The following GRIK1 variants were observed in gnomAD, a reference collection of about 807,000 sequenced individuals.
GRIK1 encodes glutamate ionotropic receptor kainate type subunit 1.
GRIK1 carries 69 observed loss-of-function variants against 105.7 expected under a neutral mutation model. That is an observed-to-expected ratio of 0.65 (90% CI 0.54 to 0.80). The LOEUF is 0.80. Among genes scored for constraint, GRIK1 ranks in the 30% least tolerant of loss-of-function variants. The pLI is 0.00. For missense variants in GRIK1, 1,109 were observed against 1,167.3 expected (o/e 0.95, Z 0.73); for synonymous variants, 438 against 431.3 (o/e 1.02, Z -0.19).
At chr21:29,746,893 T>A (rs898787598) in intron 1 of GRIK1, among the ~76,000 whole-genome samples, 1 of 152,154 alleles carries the variant, frequency 6.6e-6, no homozygotes, top group Admixed American at 6.5e-5. Flanking sequence ...GGTACTGCCA[T>A]ACAAAATAAT....
intron 6 of GRIK1, among the ~76,000 whole-genome samples, chr21:29,645,003 T>C (rs2062589172): frequency 6.6e-6 from 1 of 152,236 alleles, no homozygotes; most frequent in Non-Finnish European, 1.5e-5. Context: ...CTAGAGTATA[T>C]GCCGTTAACC....
intron 1 of GRIK1, among the ~76,000 whole-genome samples, chr21:29,931,024 T>G (rs1250997007): frequency 6.6e-6 from 1 of 152,192 alleles, no homozygotes; most frequent in African/African-American, 2.4e-5. Context: ...AGCTTTAGGT[T>G]TACAGAAAAA....
intron 16 of GRIK1, among the ~76,000 whole-genome samples, chr21:29,542,921 G>C (rs946580112): frequency 6.6e-6 from 1 of 152,182 alleles, no homozygotes; most frequent in African/African-American, 2.4e-5. Context: ...GGAAGAAAAA[G>C]GATGTAGGAA....
chr21:29,813,457 A>T (rs996385713), intron 1 of GRIK1, among the ~76,000 whole-genome samples: 1 of 152,128 alleles, frequency 6.6e-6, no homozygotes, highest in African/African-American at 2.4e-5. Flanking sequence ...GGAAAATCCA[A>T]TCATTATCAC....
At chr21:29,786,943 G>T (rs553562988) in intron 1 of GRIK1, among the ~76,000 whole-genome samples, 2 of 152,242 alleles carry the variant, frequency 1.3e-5, no homozygotes, top group Admixed American at 6.5e-5. Context: ...CACACTAAGG[G>T]TCACTAAACC....
At chr21:29,909,474 G>T (rs978092635) in intron 1 of GRIK1, among the ~76,000 whole-genome samples, 2 of 151,430 alleles carry the variant, frequency 1.3e-5, no homozygotes, top group African/African-American at 4.8e-5. Flanking sequence ...ATAATTAATA[G>T]AATATTTAAT....
At chr21:29,900,660 G>T (rs1239084684) in intron 1 of GRIK1, among the ~76,000 whole-genome samples, 1 of 151,996 alleles carries the variant, frequency 6.6e-6, no homozygotes, top group Non-Finnish European at 1.5e-5. Context: ...GACATACAAA[G>T]AGACTTAGAC....
At chr21:29,793,656 G>A (rs968645079) in intron 1 of GRIK1, among the ~76,000 whole-genome samples, 6 of 152,060 alleles carry the variant, frequency 3.9e-5, no homozygotes, top group South Asian at 2.1e-4. Flanking sequence ...GACCATCACC[G>A]GCTAGCTAAA....
At chr21:29,789,964 A>C (rs575005924) in intron 1 of GRIK1, among the ~76,000 whole-genome samples, 1 of 152,366 alleles carries the variant, frequency 6.6e-6, no homozygotes, top group Non-Finnish European at 1.5e-5. Context: ...ATCTTTGTGA[A>C]GCTCATGAAT....
intron 7 of GRIK1, among the ~76,000 whole-genome samples, chr21:29,637,885 T>C (rs896370185): frequency 2.6e-5 from 4 of 152,336 alleles, no homozygotes; most frequent in South Asian, 2.1e-4. Flanking sequence ...CCTCATTTCC[T>C]GGCTTCGTTG....
chr21:29,741,075 G>A lies in GRIK1; in HGVS notation c.119-47012C>T, dbSNP rs1281394795. 2.0e-5 allele frequency among the ~76,000 whole-genome samples: 3 copies of A among 152,188 alleles called. No homozygotes were observed. The East Asian group carries it at 5.8e-4, about 29-fold the overall frequency. ...ATCCTCAGACACCTGGTTAATCCCA[G>A]TCTCTTCCATTGCCCCTTTGCCAGG... is the stretch of plus-strand genomic sequence containing the variant. On this transcript the variant is annotated intron_variant, in intron 1 of 17. Coordinates refer to ENST00000327783, the MANE Select transcript of GRIK1 (RefSeq NM_001330994.2).
chr21:29,688,810 G>A (rs2063532180), intron 3 of GRIK1, among the ~76,000 whole-genome samples: 2 of 152,198 alleles, frequency 1.3e-5, no homozygotes, highest in African/African-American at 2.4e-5. Flanking sequence ...GTTCACCACC[G>A]TGAAGGTCGT....
At chr21:29,836,423 G>A (rs1244128317) in intron 1 of GRIK1, among the ~76,000 whole-genome samples, 1 of 152,112 alleles carries the variant, frequency 6.6e-6, no homozygotes, top group African/African-American at 2.4e-5. Context: ...ATGCAGTATA[G>A]CTCCTTTTAT....
intron 1 of GRIK1, among the ~76,000 whole-genome samples, chr21:29,757,433 C>T (rs2065378466): frequency 1.3e-5 from 2 of 152,316 alleles, no homozygotes; most frequent in South Asian, 2.1e-4. Context: ...ATTAAGTAAA[C>T]TACACTACTT....
At chr21:29,784,430 G>A (rs2066205705) in intron 1 of GRIK1, among the ~76,000 whole-genome samples, 1 of 152,118 alleles carries the variant, frequency 6.6e-6, no homozygotes, top group Non-Finnish European at 1.5e-5. Context: ...TACCAACAAG[G>A]GATCAGAATG....
intron 1 of GRIK1, among the ~76,000 whole-genome samples, chr21:29,777,422 T>G (rs2065974337): frequency 6.6e-6 from 1 of 152,184 alleles, no homozygotes; most frequent in Admixed American, 6.5e-5. Context: ...GTGAAAACCA[T>G]GAAGGCTTTC....
At chr21:29,743,421 C>A (rs2064975860) in intron 1 of GRIK1, among the ~76,000 whole-genome samples, 2 of 152,078 alleles carry the variant, frequency 1.3e-5, no homozygotes, top group Non-Finnish European at 1.5e-5. Flanking sequence ...TTAGGCTGGG[C>A]ACAGTGGCTC....
At chr21:29,667,232 A>G (rs1011405328) in intron 4 of GRIK1, among the ~76,000 whole-genome samples, 1 of 152,208 alleles carries the variant, frequency 6.6e-6, no homozygotes, top group African/African-American at 2.4e-5. Context: ...CTTCTGTCTT[A>G]TCTAAACAAG....
chr21:29,644,774 A>G (rs776550653), intron 6 of GRIK1, among the ~76,000 whole-genome samples: 95 of 152,256 alleles, frequency 6.2e-4, no homozygotes, highest in Non-Finnish European at 6.0e-4. Flanking sequence ...ATTGGAGGAA[A>G]GTAAGCTACT....
Sources: gnomAD v4.1 joint callset for allele counts (sites outside exome capture counted in the v4.1 genomes callset) on GRCh38, gnomAD v4.1.1 for gene constraint, MANE v1.5 for transcripts, NCBI Gene and HGNC (gene_info 2026-07-23, HGNC 2026-07-21) for gene names.